FOXK1: variants seen among roughly 807,000 people sequenced by gnomAD.
FOXK1 encodes forkhead box K1, also known as forkhead box protein K1.
In FOXK1, 19 loss-of-function variants were observed where a neutral mutation model predicts 51.9. The observed-to-expected ratio is 0.37, with a 90% confidence interval of 0.26 to 0.54. The LOEUF is 0.54. FOXK1 is among the 20% of genes least tolerant of loss of function. The probability of loss-of-function intolerance (pLI) is 0.87; values close to 1 mark genes in which losing one functional copy is unlikely to be tolerated. For missense variants in FOXK1, 870 were observed against 1,032.7 expected (o/e 0.84, Z 2.16); for synonymous variants, 537 against 482.6 (o/e 1.11, Z -1.48).
At chr7:4,691,700 G>T (rs1317990887) in intron 1 of FOXK1, among the ~76,000 whole-genome samples, 1 of 152,144 alleles carries the variant, frequency 6.6e-6, no homozygotes, top group Non-Finnish European at 1.5e-5. Flanking sequence ...ATTTAACCTT[G>T]CTGGGAAAGG....
rs1291795100 is a variant in FOXK1, at chr7:4,731,783, CAG to C, written c.561-9050_561-9049del. Among the ~76,000 whole-genome samples, 2 of 147,828 alleles carry C rather than the reference CAG, an allele frequency of 1.4e-5. No individual in the cohort carries two copies. Among genetic ancestry groups the C allele is most frequent in the Non-Finnish European group, 3.0e-5 (2 of 66,930 alleles). ...CAAAAAAAAAAAAAAAAAAAGAAAA[CAG>C]AGAGGCCTGCTTATAACACCATCCT... On this transcript the variant is annotated intron_variant, in intron 1 of 8. Coordinates refer to ENST00000328914, the MANE Select transcript of FOXK1 (RefSeq NM_001037165.2). The surrounding 1 kb of genome is among the most constrained non-coding windows in gnomAD (Gnocchi z 5.3).
Position 4,764,068 on chromosome 7 carries a change from A to T in FOXK1, c.*1604A>T, listed in dbSNP as rs1247665259. 1 of 152,468 alleles carries T rather than the reference A, an allele frequency of 6.6e-6. No homozygotes were observed. The highest frequency in any genetic ancestry group is 2.4e-5 in the African/African-American group (1 of 41,454). 9.4% of individuals were successfully genotyped at this position (152,468 alleles called of 1,614,324 possible). ...AGAGGGACCCAGGTGCCTGGAGGGC[A>T]TTTGAGGGAGGTGGCTGGACAGGTG... is the stretch of plus-strand genomic sequence containing the variant. On this transcript the variant is annotated 3_prime_UTR_variant, in exon 9 of 9. Coordinates refer to ENST00000328914, the MANE Select transcript of FOXK1 (RefSeq NM_001037165.2).
At position 4,683,132 on chromosome 7, in the gene FOXK1, G is replaced by A. The variant is rs1283554618; in HGVS notation, c.560+264G>A. Among the ~76,000 whole-genome samples the A allele has an allele frequency of 4.7e-5, 7 of 149,254 alleles. No individual in the cohort carries two copies. Among genetic ancestry groups the A allele is most frequent in the African/African-American group, 9.9e-5 (4 of 40,260 alleles). On this transcript the variant is annotated intron_variant, in intron 1 of 8. Coordinates refer to ENST00000328914, the MANE Select transcript of FOXK1 (RefSeq NM_001037165.2). The surrounding 1 kb of genome is among the most constrained non-coding windows in gnomAD (Gnocchi z 4.5). ...CTTTCCCCGGTCTGGATACCCCGTCGCCCCCGACCCCCACCGGCCTGGACT... is the reference window on the plus strand; with the variant it reads ...CTTTCCCCGGTCTGGATACCCCGTCACCCCCGACCCCCACCGGCCTGGACT...
intron 1 of FOXK1, among the ~76,000 whole-genome samples, chr7:4,725,488 C>T (rs1780368388): frequency 6.6e-6 from 1 of 152,250 alleles, no homozygotes; most frequent in Non-Finnish European, 1.5e-5. Context: ...CAGGCAGAGG[C>T]CCGGGGCCAG....
chr7:4,759,364 A>T lies in FOXK1; in HGVS notation c.1465A>T (p.Ser489Cys). The change falls in exon 7 of 9, where the codon AGC (serine) becomes TGC (cysteine). Residue 489 changes from serine (S) to cysteine (C), a missense_variant. By Grantham distance (112) the Ser-to-Cys change is moderately radical. This residue lies in a region of FOXK1 where 457 missense variants were observed against 510.8 expected (regional missense o/e 0.89). Coordinates refer to ENST00000328914, the MANE Select transcript of FOXK1 (RefSeq NM_001037165.2). ...CATGGCCGTGCCTCCCCGACCGTCCAGCCTCGTGGCCAAGCCCGTGGCCTA... is the reference window on the plus strand; with the variant it reads ...CATGGCCGTGCCTCCCCGACCGTCCTGCCTCGTGGCCAAGCCCGTGGCCTA... ...VIMAVPPRPS[S>C]LVAKPVAYMP... 1 of 1,602,578 alleles carries T rather than the reference A, an allele frequency of 6.2e-7. No homozygotes were observed. The highest frequency in any genetic ancestry group is 8.5e-7 in the Non-Finnish European group (1 of 1,179,344).
rs111576717 is a variant in FOXK1 at position 4,713,434 on chromosome 7, G to T, written c.561-27404G>T. 2.6e-5 allele frequency among the ~76,000 whole-genome samples: 4 copies of T among 151,996 alleles called. No individual in the cohort carries two copies. In the South Asian group the frequency reaches 8.3e-4, roughly 32 times the overall value. On this transcript the variant is annotated intron_variant, in intron 1 of 8. Transcript: ENST00000328914. ...GTGCAGCCACTGCAGCTTCTGGGCC[G>T]GGAAAGCCCTGCGAGGTCAGCTCCC...
rs192676074 is a variant in FOXK1 at position 4,763,277 on chromosome 7, T to C, written c.*813T>C. On this transcript the variant is annotated 3_prime_UTR_variant, in exon 9 of 9. Transcript: ENST00000328914. Reference sequence around the variant, plus strand: ...GGTGGAAGGTTCCTAGGATGAAAGGTGAGCCTGGATCCGCCGGCCGCAGAC... The same window carrying C: ...GGTGGAAGGTTCCTAGGATGAAAGGCGAGCCTGGATCCGCCGGCCGCAGAC... 6.6e-6 allele frequency: 1 copy of C among 152,300 alleles called. No individual in the cohort carries two copies. The highest frequency in any genetic ancestry group is 6.5e-5 in the Admixed American group (1 of 15,296). 9.4% of individuals were successfully genotyped at this position (152,300 alleles called of 1,614,324 possible).
chr7:4,684,900 C>A (rs184685379), intron 1 of FOXK1, among the ~76,000 whole-genome samples: 1 of 151,674 alleles, frequency 6.6e-6, no homozygotes, highest in East Asian at 2.0e-4. Flanking sequence ...CAGTAGCAAG[C>A]CTGTTATTTA....
At chr7:4,740,169 G>T (rs10229288) in intron 1 of FOXK1, among the ~76,000 whole-genome samples, 4,520 of 152,166 alleles carry the variant, frequency 0.03, 202 homozygotes, top group African/African-American at 0.1. Context: ...GGTGGCTCAC[G>T]CCTGTAATCC....
rs1177433429 is a variant in FOXK1 at position 4,722,901 on chromosome 7, A to C, written c.561-17937A>C. On this transcript the variant is annotated intron_variant, in intron 1 of 8. Transcript: ENST00000328914. The surrounding 1 kb of genome is among the most constrained non-coding windows in gnomAD (Gnocchi z 5.1). ...GCATCCAGGTGAGGTGCCTGTGGGC[A>C]GAGCTGTTGATGGAAGAGGGTGTGG... 2.0e-5 allele frequency among the ~76,000 whole-genome samples: 3 copies of C among 152,072 alleles called. No homozygotes were observed. Among genetic ancestry groups the C allele is most frequent in the Non-Finnish European group, 4.4e-5 (3 of 68,012 alleles).
At chr7:4,728,177 G>C (rs2115052824) in intron 1 of FOXK1, among the ~76,000 whole-genome samples, 1 of 152,304 alleles carries the variant, frequency 6.6e-6, no homozygotes, top group African/African-American at 2.4e-5. Flanking sequence ...GTGGAGATGT[G>C]ACACGACTCT....
At position 4,762,195 on chromosome 7, in the gene FOXK1, C is replaced by T. The variant is rs778049352; in HGVS notation, c.1933C>T (p.Pro645Ser). 5.8e-6 allele frequency: 9 copies of T among 1,552,644 alleles called. No individual in the cohort carries two copies. The highest frequency in any genetic ancestry group is 7.8e-6 in the Non-Finnish European group (9 of 1,146,568). ...TTCCTCCACTCCAGCCCTCACCAGCCCTTTGCAGCTCCTTGCGACCCAAGC... is the reference window on the plus strand; with the variant it reads ...TTCCTCCACTCCAGCCCTCACCAGCTCTTTGCAGCTCCTTGCGACCCAAGC... ...LAGNAYALTS[P>S]LQLLATQASS... The change falls in exon 9 of 9, where the codon CCT (proline) becomes TCT (serine). Residue 645 changes from proline (P) to serine (S), a missense_variant. Pro to Ser is a moderately conservative substitution (Grantham distance 74). Around this residue, in one of 3 missense-constraint regions of FOXK1, gnomAD observed 457 missense variants for 510.8 expected, o/e 0.89. Transcript: ENST00000328914. This position sits in a 1 kb window ranked among gnomAD's most constrained non-coding sequence, Gnocchi z 5.7.
chr7:4,747,667 C>T lies in FOXK1; in HGVS notation c.746+6644C>T, dbSNP rs866956096. On this transcript the variant is annotated intron_variant, in intron 2 of 8. Transcript: ENST00000328914. This position sits in a 1 kb window ranked among gnomAD's most constrained non-coding sequence, Gnocchi z 9.2. The stretch of plus-strand genomic sequence containing the variant: ...CCTCCCACTGCAGCCTCCTGAGTAG[C>T]TAGGACTACAGGCACCCACCACCAC... Among the ~76,000 whole-genome samples, 2 of 150,454 alleles carry T rather than the reference C, an allele frequency of 1.3e-5. No homozygotes were observed. Among genetic ancestry groups the T allele is most frequent in the Non-Finnish European group, 3.0e-5 (2 of 67,656 alleles).
chr7:4,690,290 G>A (rs996313388), intron 1 of FOXK1, among the ~76,000 whole-genome samples: 10 of 152,364 alleles, frequency 6.6e-5, no homozygotes, highest in Admixed American at 4.6e-4. Context: ...TTCGCGGAAC[G>A]GGGTGAAGCT....
chr7:4,725,960 A>C (rs1780375950), intron 1 of FOXK1, among the ~76,000 whole-genome samples: 1 of 151,680 alleles, frequency 6.6e-6, no homozygotes, highest in South Asian at 2.1e-4. Flanking sequence ...TGAAGCAAGG[A>C]AGTGATTTGT....
rs1387104102 is a variant in FOXK1 at position 4,709,812 on chromosome 7, G to A, written c.560+26944G>A. ...CCGTCTTCTCGCTGTTCAGCCAGCAGTTCACTGTCTGTAAAATAGGTCCAA... is the reference window on the plus strand; with the variant it reads ...CCGTCTTCTCGCTGTTCAGCCAGCAATTCACTGTCTGTAAAATAGGTCCAA... On this transcript the variant is annotated intron_variant, in intron 1 of 8. Coordinates refer to ENST00000328914, the MANE Select transcript of FOXK1 (RefSeq NM_001037165.2). The surrounding 1 kb of genome is among the most constrained non-coding windows in gnomAD (Gnocchi z 5.6). Among the ~76,000 whole-genome samples, 5 of 152,190 alleles carry A rather than the reference G, an allele frequency of 3.3e-5. No homozygotes were observed. The highest frequency in any genetic ancestry group is 7.3e-5 in the Non-Finnish European group (5 of 68,038).
intron 2 of FOXK1, among the ~76,000 whole-genome samples, chr7:4,746,902 TC>T (rs1359970903): frequency 6.6e-6 from 1 of 152,096 alleles, no homozygotes; most frequent in Non-Finnish European, 1.5e-5. Flanking sequence ...TTGCTGCCCC[TC>T]CCCACCCCAC....
Position 4,755,240 on chromosome 7 carries a change from G to C in FOXK1, c.907G>C (p.Glu303Gln). ...DTSGGDSPKD[E>Q]SKPPFSYAQL... ...CGTGAGCCGTGTTTCTCCGCAGGAT[G>C]AGTCAAAGCCGCCGTTCTCCTACGC... Residue 303 changes from glutamate to glutamine, a missense_variant, in exon 4 of 9, where the codon GAG (glutamate) becomes CAG (glutamine). By Grantham distance (29) the Glu-to-Gln change is conservative. This residue lies in a region of FOXK1 where 399 missense variants were observed against 475.6 expected (regional missense o/e 0.84). Coordinates refer to ENST00000328914, the MANE Select transcript of FOXK1 (RefSeq NM_001037165.2). This position sits in a 1 kb window ranked among gnomAD's most constrained non-coding sequence, Gnocchi z 6.6. The C allele has an allele frequency of 6.2e-7, 1 of 1,613,736 alleles. No individual in the cohort carries two copies.
At position 4,747,542 on chromosome 7, in the gene FOXK1, T is replaced by C. The variant is rs1446575301; in HGVS notation, c.746+6519T>C. 6.6e-6 allele frequency among the ~76,000 whole-genome samples: 1 copy of C among 152,166 alleles called. No homozygotes were observed. On this transcript the variant is annotated intron_variant, in intron 2 of 8. Coordinates refer to ENST00000328914, the MANE Select transcript of FOXK1 (RefSeq NM_001037165.2). The surrounding 1 kb of genome is among the most constrained non-coding windows in gnomAD (Gnocchi z 9.2). Reference sequence around the variant, plus strand: ...TTGGGGGGTTGATTTTGTTTTTGTTTGTTTGTTTTTTGGGACAGGGTCTCA... The same window carrying C: ...TTGGGGGGTTGATTTTGTTTTTGTTCGTTTGTTTTTTGGGACAGGGTCTCA...
Sources: allele counts gnomAD v4.1 joint callset (sites outside exome capture counted in the v4.1 genomes callset), GRCh38; gene constraint gnomAD v4.1.1; regional missense constraint gnomAD v4.1.1; non-coding constraint Gnocchi (gnomAD v3.1); transcripts MANE v1.5; gene names NCBI Gene and HGNC (gene_info 2026-07-23, HGNC 2026-07-21).